IKZF1: variants seen among roughly 807,000 people sequenced by gnomAD.
IKZF1 encodes the protein IKAROS family zinc finger 1.
In IKZF1, 10 loss-of-function variants were observed where a neutral mutation model predicts 51.7. The observed-to-expected ratio is 0.19, with a 90% confidence interval of 0.12 to 0.33. The LOEUF (loss-of-function observed/expected upper bound fraction) is 0.33, where lower values mean the gene tolerates loss of function less well. IKZF1 is among the 10% of genes least tolerant of loss of function. IKZF1 has a pLI of 1.00. For missense variants in IKZF1, 484 were observed against 707.5 expected (o/e 0.68, Z 3.58); for synonymous variants, 280 against 282.3 (o/e 0.99, Z 0.08).
intron 3 of IKZF1, among the ~76,000 whole-genome samples, chr7:50,371,100 G>A (rs780662123): frequency 6.6e-6 from 1 of 152,214 alleles, no homozygotes; most frequent in Non-Finnish European, 1.5e-5. Context: ...TCTAGGGCAG[G>A]TATGATCAGC....
Position 50,401,210 on chromosome 7 carries a change from G to GA in IKZF1, c.*587dup. ...GGGCGGAGAGGCTGCACTTGTGAGA[G>GA]AAAATACTATTTCAAGTCATATTCT... On this transcript the variant is annotated 3_prime_UTR_variant, in exon 8 of 8. Transcript: ENST00000331340. 4.3e-6 allele frequency: 1 copy of GA among 234,236 alleles called. No homozygotes were observed. Among genetic ancestry groups the GA allele is most frequent in the East Asian group, 6.1e-5 (1 of 16,498 alleles). The allele number at this position is 234,236 out of a possible 1,614,324, so 14.5% of individuals were successfully genotyped here.
At chr7:50,388,684 G>A (rs1440700659) in intron 6 of IKZF1, 2 of 152,202 alleles carry the variant, frequency 1.3e-5, no homozygotes, top group Non-Finnish European at 2.9e-5. Context: ...GAAACTGGAT[G>A]TTAAAATAAT....
intron 3 of IKZF1, among the ~76,000 whole-genome samples, chr7:50,337,062 G>A (rs960366088): frequency 6.6e-6 from 1 of 152,096 alleles, no homozygotes; most frequent in African/African-American, 2.4e-5. Context: ...TTGGCGGTGG[G>A]TTTCCCACAA....
intron 1 of IKZF1, among the ~76,000 whole-genome samples, chr7:50,305,764 T>C (rs1420478914): frequency 2.0e-5 from 3 of 152,214 alleles, no homozygotes; most frequent in Admixed American, 6.5e-5. Context: ...CAAAATGGTG[T>C]TGAGGAAATG....
intron 1 of IKZF1, among the ~76,000 whole-genome samples, chr7:50,313,606 G>T (rs1271717754): frequency 1.3e-5 from 2 of 152,202 alleles, no homozygotes; most frequent in African/African-American, 2.4e-5. Flanking sequence ...GGAGAAAGAG[G>T]CATCACCATC....
intron 3 of IKZF1, among the ~76,000 whole-genome samples, chr7:50,365,202 A>G (rs564535148): frequency 6.6e-6 from 1 of 152,274 alleles, no homozygotes; most frequent in Admixed American, 6.5e-5. Context: ...GAGTTTCCAC[A>G]TTTGCTGTTG....
At chr7:50,346,752 A>C (rs1320310473) in intron 3 of IKZF1, among the ~76,000 whole-genome samples, 3 of 152,244 alleles carry the variant, frequency 2.0e-5, no homozygotes, top group African/African-American at 4.8e-5. Flanking sequence ...ACAGTTTGCC[A>C]AAGCTAACTG....
At chr7:50,363,057 G>A (rs985662332) in intron 3 of IKZF1, among the ~76,000 whole-genome samples, 4 of 152,190 alleles carry the variant, frequency 2.6e-5, no homozygotes, top group Admixed American at 2.6e-4. Context: ...GGCAAGGGTA[G>A]AGGCGAGCCC....
At chr7:50,387,562 G>T (rs1584956192) in intron 6 of IKZF1, 92 bp downstream of exon 6, 24 of 1,417,662 alleles carry the variant, frequency 1.7e-5, no homozygotes, top group East Asian at 5.4e-5. Flanking sequence ...TAGGAGCAGA[G>T]CCTTGGGCCT....
At position 50,381,516 on chromosome 7, in the gene IKZF1, A is replaced by G. The variant is rs564631401; in HGVS notation, c.422-1024A>G. Among the ~76,000 whole-genome samples the G allele has an allele frequency of 3.2e-4, 48 of 152,370 alleles. No individual in the cohort carries two copies. In the South Asian group the frequency reaches 9.9e-3, roughly 32 times the overall value. On this transcript the variant is annotated intron_variant, in intron 4 of 7. Transcript: ENST00000331340. ...AGACCTGTGACTACTCAGTAGGACA[A>G]TAGCATATTTCTTTTACTCAGATAC...
At chr7:50,328,242 G>A (rs1795585979) in intron 3 of IKZF1, 2 of 152,438 alleles carry the variant, frequency 1.3e-5, no homozygotes, top group Admixed American at 1.3e-4. Flanking sequence ...ATTTTTAAAT[G>A]TTAGAAAAAA....
At chr7:50,338,289 G>A (rs1366485353) in intron 3 of IKZF1, among the ~76,000 whole-genome samples, 1 of 152,024 alleles carries the variant, frequency 6.6e-6, no homozygotes, top group African/African-American at 2.4e-5. Flanking sequence ...AACCTAATTC[G>A]TTCAATAAAT....
At chr7:50,313,223 G>T (rs1176746994) in intron 1 of IKZF1, among the ~76,000 whole-genome samples, 2 of 152,162 alleles carry the variant, frequency 1.3e-5, no homozygotes, top group South Asian at 4.1e-4. Flanking sequence ...CTCTTAGCAG[G>T]AATAATGGGT....
rs77321619 is a variant in IKZF1, at chr7:50,381,642, C to G, written c.422-898C>G. ...AGTCACAAATGCAGCAGTCTCACCCCTGAAAGAATTCCTTCATAACAACTA... is the reference window on the plus strand; with the variant it reads ...AGTCACAAATGCAGCAGTCTCACCCGTGAAAGAATTCCTTCATAACAACTA... On this transcript the variant is annotated intron_variant, in intron 4 of 7. Coordinates refer to ENST00000331340, the MANE Select transcript of IKZF1 (RefSeq NM_006060.6). Among the ~76,000 whole-genome samples, 234 of 152,330 alleles carry G rather than the reference C, an allele frequency of 1.5e-3. 6 individuals carry two copies. In the East Asian group the frequency reaches 0.037, roughly 24 times the overall value.
chr7:50,388,013 A>T (rs1009895678), intron 6 of IKZF1, among the ~76,000 whole-genome samples: 1 of 152,116 alleles, frequency 6.6e-6, no homozygotes, highest in Non-Finnish European at 1.5e-5. Context: ...TTGTTGAAGG[A>T]TGAGAGGAAA....
At chr7:50,355,862 C>A (rs1187081723) in intron 3 of IKZF1, among the ~76,000 whole-genome samples, 1 of 152,232 alleles carries the variant, frequency 6.6e-6, no homozygotes, top group African/African-American at 2.4e-5. Context: ...GCAGAGCAGG[C>A]TGGAGGCCTC....
At chr7:50,359,421 C>G (rs1414075561) in intron 3 of IKZF1, among the ~76,000 whole-genome samples, 1 of 152,196 alleles carries the variant, frequency 6.6e-6, no homozygotes, top group African/African-American at 2.4e-5. Flanking sequence ...AGCCTTCTGC[C>G]CACAGAGCTG....
chr7:50,357,445 T>A (rs1371967724), intron 3 of IKZF1, among the ~76,000 whole-genome samples: 3 of 145,152 alleles, frequency 2.1e-5, no homozygotes, highest in Non-Finnish European at 4.5e-5. Context: ...AATGTCACCC[T>A]TCTGTGACTT....
At chr7:50,375,787 C>T (rs892730989) in intron 3 of IKZF1, among the ~76,000 whole-genome samples, 1 of 141,012 alleles carries the variant, frequency 7.1e-6, no homozygotes, top group African/African-American at 2.6e-5. Flanking sequence ...TACCTACATT[C>T]ATAAACTATC....
Sources: allele counts gnomAD v4.1 joint callset (sites outside exome capture counted in the v4.1 genomes callset), GRCh38; gene constraint gnomAD v4.1.1; transcripts MANE v1.5; gene names NCBI Gene and HGNC (gene_info 2026-07-23, HGNC 2026-07-21).